Variants in PPEF1 observed in about 807,000 individuals in gnomAD.
PPEF1 encodes the protein serine/threonine-protein phosphatase with EF-hands 1.
In PPEF1, 12 loss-of-function variants were observed where a neutral mutation model predicts 53.3. The observed-to-expected ratio is 0.23, with a 90% CI of 0.14 to 0.36. The LOEUF (loss-of-function observed/expected upper bound fraction) is 0.36. Among genes scored for constraint, PPEF1 ranks in the 10% least tolerant of loss-of-function variants. The pLI, the probability that PPEF1 is intolerant of heterozygous loss-of-function variation, is 1.00. For missense variants in PPEF1, 334 were observed against 490.4 expected (o/e 0.68, Z 3.01); for synonymous variants, 165 against 176.7 (o/e 0.93, Z 0.52).
chrX:18,719,385 C>CA (rs2147328648), intron 1 of PPEF1, among the ~76,000 whole-genome samples: 1 of 104,172 alleles, frequency 9.6e-6, no homozygotes, highest in Non-Finnish European at 2.0e-5. Context: ...CTCACTCTGT[C>CA]ACCCAGGCTG....
chrX:18,678,383 G>A, upstream of PPEF1, among the ~76,000 whole-genome samples: 1 of 111,060 alleles, frequency 9.0e-6, no homozygotes, highest in Non-Finnish European at 1.9e-5. Flanking sequence ...GCTGCAACAA[G>A]CTGAGATCGC....
chrX:18,798,237 T>G (rs1411959792), intron 10 of PPEF1, among the ~76,000 whole-genome samples: 1 of 110,816 alleles, frequency 9.0e-6, no homozygotes, highest in Non-Finnish European at 1.9e-5. Context: ...CTCACTATAT[T>G]GCCCAGACTG....
At chrX:18,794,593 G>C (rs67134624) in intron 10 of PPEF1, among the ~76,000 whole-genome samples, 3,657 of 112,645 alleles carry the variant, frequency 0.032, 153 homozygotes, top group African/African-American at 0.11. Flanking sequence ...TCCTCCTTAT[G>C]ATTGAGCAAG....
chrX:18,689,396 G>T (rs1363237526), intron 3 of PPEF1, among the ~76,000 whole-genome samples: 1 of 106,496 alleles, frequency 9.4e-6, no homozygotes, highest in East Asian at 3.1e-4. Context: ...TGAGGAGGAT[G>T]ACTTGAGCCC....
At chrX:18,744,696 C>G (rs1017826902) in intron 3 of PPEF1, among the ~76,000 whole-genome samples, 10 of 109,255 alleles carry the variant, frequency 9.2e-5, no homozygotes, top group Non-Finnish European at 1.9e-4. Flanking sequence ...CCCATTATAT[C>G]TTCCATTGGT....
intron 11 of PPEF1, among the ~76,000 whole-genome samples, chrX:18,804,699 A>G (rs1270891086): frequency 8.9e-6 from 1 of 112,275 alleles, no homozygotes; most frequent in East Asian, 2.8e-4. Context: ...GGGGTTGAGA[A>G]TGTCCTTTTC....
At chrX:18,739,792 G>C (rs1216774983) in intron 3 of PPEF1, among the ~76,000 whole-genome samples, 2 of 112,537 alleles carry the variant, frequency 1.8e-5, no homozygotes, top group Non-Finnish European at 3.8e-5. Context: ...CCCAGTTCAA[G>C]CTTCCCGGCT....
chrX:18,823,678 C>CA (rs753812438), intron 13 of PPEF1, among the ~76,000 whole-genome samples: 7 of 107,520 alleles, frequency 6.5e-5, no homozygotes, highest in African/African-American at 1.7e-4. Context: ...CTTTGTTAAT[C>CA]AAAAAAAAGG....
intron 12 of PPEF1, among the ~76,000 whole-genome samples, chrX:18,817,750 T>G (rs2046950943): frequency 8.9e-6 from 1 of 111,820 alleles, no homozygotes; most frequent in Non-Finnish European, 1.9e-5. Context: ...TCTGGTATAG[T>G]AAGTTCCTCT....
At chrX:18,824,991 C>T (rs1030808565) in intron 14 of PPEF1, among the ~76,000 whole-genome samples, 2 of 111,759 alleles carry the variant, frequency 1.8e-5, no homozygotes, top group Non-Finnish European at 3.8e-5. Flanking sequence ...TACAACATAC[C>T]ATTTCTAATA....
chrX:18,678,168 C>T (rs760228207), upstream of PPEF1, among the ~76,000 whole-genome samples: 150 of 100,188 alleles, frequency 1.5e-3, no homozygotes, highest in African/African-American at 5.2e-3. Context: ...CGATGGCTCA[C>T]GCTTATAATC....
At chrX:18,676,538 T>C (rs1438070002) in intron 1 of PPEF1, among the ~76,000 whole-genome samples, 1 of 110,986 alleles carries the variant, frequency 9.0e-6, no homozygotes, top group Non-Finnish European at 1.9e-5. Context: ...GCCTAGATTG[T>C]GGGCCACGAG....
chrX:18,792,842 T>C (rs1191753485), intron 10 of PPEF1, among the ~76,000 whole-genome samples: 1 of 111,871 alleles, frequency 8.9e-6, no homozygotes, highest in African/African-American at 3.2e-5. Context: ...GGCCCTGTTA[T>C]AGAATTTCTG....
At chrX:18,687,117 C>G (rs1331568520) in intron 3 of PPEF1, among the ~76,000 whole-genome samples, 1 of 111,239 alleles carries the variant, frequency 9.0e-6, no homozygotes, top group Non-Finnish European at 1.9e-5. Flanking sequence ...TGAGTCTTTT[C>G]CTTTTTATCA....
intron 6 of PPEF1, among the ~76,000 whole-genome samples, chrX:18,764,855 G>A (rs779696595): frequency 1.1e-4 from 12 of 111,543 alleles, no homozygotes; most frequent in South Asian, 7.5e-4. Flanking sequence ...TCTTTATTTC[G>A]TATGAAAGTG....
chrX:18,794,688 G>C (rs1418709668), intron 10 of PPEF1, among the ~76,000 whole-genome samples: 1 of 112,686 alleles, frequency 8.9e-6, no homozygotes, highest in Admixed American at 9.4e-5. Flanking sequence ...AGTGACCCCA[G>C]TCCTCTCTGC....
At chrX:18,722,290 A>G (rs1369287680) in intron 1 of PPEF1, among the ~76,000 whole-genome samples, 1 of 111,898 alleles carries the variant, frequency 8.9e-6, no homozygotes, top group Non-Finnish European at 1.9e-5. Context: ...TAGAGGATTC[A>G]TTTTCTTTCC....
At chrX:18,800,975 A>G (rs932389812) in intron 10 of PPEF1, among the ~76,000 whole-genome samples, 1 of 112,086 alleles carries the variant, frequency 8.9e-6, no homozygotes, top group Non-Finnish European at 1.9e-5. Flanking sequence ...CTTGATTTCC[A>G]TCTTTCCTCC....
At chrX:18,681,488 A>G (rs780495381), upstream of PPEF1, among the ~76,000 whole-genome samples, 9 of 111,519 alleles carry the variant, frequency 8.1e-5, no homozygotes, top group East Asian at 5.6e-4. Flanking sequence ...AGCCAGGGCA[A>G]TGAGTTCCAG....
Sources: gnomAD v4.1 joint callset for allele counts (sites outside exome capture counted in the v4.1 genomes callset) on GRCh38, gnomAD v4.1.1 for gene constraint, MANE v1.5 for transcripts, NCBI Gene and HGNC (gene_info 2026-07-23, HGNC 2026-07-21) for gene names.